Variants in DYNC1LI1 observed in about 807,000 individuals in gnomAD.
The protein encoded by DYNC1LI1 is dynein cytoplasmic 1 light intermediate chain 1, also known as cytoplasmic dynein 1 light intermediate chain 1.
In DYNC1LI1, 19 loss-of-function variants were observed where a neutral mutation model predicts 63.8. The ratio of observed to expected loss-of-function variants is 0.30; its 90% CI spans 0.21 to 0.44. DYNC1LI1 has a LOEUF of 0.44. DYNC1LI1 is among the 20% of genes least tolerant of loss of function. DYNC1LI1 has a pLI of 1.00. For synonymous variants in DYNC1LI1, 225 were observed against 232.3 expected (o/e 0.97, Z 0.28); for missense variants, 565 against 630.2 (o/e 0.90, Z 1.11).
chr3:32,537,594 T>G (rs774437312), intron 5 of DYNC1LI1, among the ~76,000 whole-genome samples: 1 of 151,886 alleles, frequency 6.6e-6, no homozygotes, highest in Non-Finnish European at 1.5e-5. Flanking sequence ...GTGCTTTTAT[T>G]CACTCTTATT....
In DYNC1LI1 at chr3:32,529,604, T is replaced by G; in HGVS notation, c.1242A>C (p.Ser414=). The change falls in exon 11 of 13, where the codon TCA becomes TCC. Residue 414 remains serine, a synonymous_variant. Transcript: ENST00000273130. ...TGGGTGACACGCTGGCAACATTAGA[T>G]GATACAGATCTATTTGGTGTTCGTG... ...GSPRTPNRSV[S]SNVASVSPIP... is the part of the protein sequence containing the mutation. 6.2e-7 allele frequency: 1 copy of G among 1,610,828 alleles called. No individual in the cohort carries two copies. The highest frequency in any genetic ancestry group is 8.5e-7 in the Non-Finnish European group (1 of 1,178,856).
At chr3:32,555,889 A>G (rs1001656118) in intron 2 of DYNC1LI1, among the ~76,000 whole-genome samples, 1 of 152,230 alleles carries the variant, frequency 6.6e-6, no homozygotes, top group African/African-American at 2.4e-5. Context: ...AGGTTGAGAT[A>G]TATGCGTATT....
intron 5 of DYNC1LI1, among the ~76,000 whole-genome samples, chr3:32,540,020 A>C (rs1697858282): frequency 1.3e-5 from 2 of 149,534 alleles, no homozygotes; most frequent in South Asian, 4.2e-4. Flanking sequence ...GCCCGCCACC[A>C]CGCCTGGCTA....
Position 32,570,708 on chromosome 3 carries a change from G to T in DYNC1LI1, c.63C>A (p.Tyr21Ter). The T allele has an allele frequency of 3.1e-6, 5 of 1,609,656 alleles. No individual in the cohort carries two copies. Among genetic ancestry groups the T allele is most frequent in the Non-Finnish European group, 4.2e-6 (5 of 1,178,052 alleles). ...GSSPPGLSST[Y>*]TGGPLGNEIA... is the part of the protein sequence containing the mutation. ...TCTCGTTGCCCAAGGGGCCGCCAGT[G>T]TAAGTCGAGGATAATCCCGGCGGAG... The change falls in exon 1 of 13, where the codon TAC becomes TAA. Residue 21 changes from tyrosine (Y) to a stop codon, truncating the protein, a stop_gained. Transcript: ENST00000273130. LOFTEE classifies it high-confidence loss of function.
At position 32,527,798 on chromosome 3, in the gene DYNC1LI1, C is replaced by T. The variant is rs1002562183; in HGVS notation, c.1462+648G>A. On this transcript the variant is annotated intron_variant, in intron 12 of 12. Transcript: ENST00000273130. ...AACAGATAAATGAAATGTGGTATAG[C>T]CATATAATGAAATATTATTCAGCAA... Among the ~76,000 whole-genome samples, 9 of 152,024 alleles carry T rather than the reference C, an allele frequency of 5.9e-5. No individual in the cohort carries two copies. In the East Asian group the frequency reaches 1.7e-3, roughly 29 times the overall value.
chr3:32,559,744 C>T (rs1698165283), intron 2 of DYNC1LI1, among the ~76,000 whole-genome samples: 1 of 152,316 alleles, frequency 6.6e-6, no homozygotes, highest in East Asian at 1.9e-4. Flanking sequence ...TTCTAATGTG[C>T]TATATCCCTT....
chr3:32,568,716 A>G (rs1296044790), intron 2 of DYNC1LI1, among the ~76,000 whole-genome samples: 1 of 152,184 alleles, frequency 6.6e-6, no homozygotes, highest in Admixed American at 6.6e-5. Flanking sequence ...CACAATATCT[A>G]ATGTGCAGAA....
intron 4 of DYNC1LI1, among the ~76,000 whole-genome samples, chr3:32,543,165 A>G (rs949451993): frequency 3.3e-5 from 5 of 151,950 alleles, no homozygotes; most frequent in Non-Finnish European, 5.9e-5. Context: ...AACAACTACT[A>G]CTCTAGGATA....
rs1559436230 is a variant in DYNC1LI1 at position 32,537,953 on chromosome 3, AT to A, written c.739-850del. ...TATATATATAATATATATATAATTT[AT>A]ATATATAATATATATATATTTATAT... On this transcript the variant is annotated intron_variant, in intron 5 of 12. Transcript: ENST00000273130. Among the ~76,000 whole-genome samples the A allele has an allele frequency of 6.1e-3, 27 of 4,418 alleles. 2 individuals are homozygous for A. Among genetic ancestry groups the A allele is most frequent in the Non-Finnish European group, 0.01 (24 of 2,334 alleles). The allele number at this position is 4,418 out of a possible 152,430, so 2.9% of individuals were successfully genotyped here.
chr3:32,526,957 T>A (rs1223335533), intron 12 of DYNC1LI1, 49 bp from the exon 13 acceptor site: 1 of 1,329,006 alleles, frequency 7.5e-7, no homozygotes, highest in Non-Finnish European at 1.1e-6. Flanking sequence ...TAAGTGAAAG[T>A]ATCGTTTTCA....
intron 1 of DYNC1LI1, 77 bp from the exon 2 acceptor site, chr3:32,570,496 G>A: frequency 1.4e-6 from 2 of 1,479,796 alleles, no homozygotes; most frequent in Non-Finnish European, 1.8e-6. Flanking sequence ...GCCTCGGCGC[G>A]CCGGGGATGG....
At chr3:32,568,513 A>T (rs1337079012) in intron 2 of DYNC1LI1, among the ~76,000 whole-genome samples, 9 of 152,202 alleles carry the variant, frequency 5.9e-5, no homozygotes, top group Admixed American at 6.5e-5. Context: ...TTAAGTTCAT[A>T]AAAAAGGAAA....
At position 32,533,016 on chromosome 3, in the gene DYNC1LI1, T is replaced by G; in HGVS notation, c.1050A>C (p.Glu350Asp). 6.2e-7 allele frequency: 1 copy of G among 1,601,186 alleles called. No individual in the cohort carries two copies. Among genetic ancestry groups the G allele is most frequent in the Non-Finnish European group, 8.5e-7 (1 of 1,177,036 alleles). Residue 350 changes from glutamate (E) to aspartate (D), a missense_variant, in exon 8 of 13, where the codon GAA becomes GAC. Glu to Asp is a conservative substitution (Grantham distance 45). Coordinates refer to ENST00000273130, the MANE Select transcript of DYNC1LI1 (RefSeq NM_016141.4). ...FQTLKAEDNF[E>D]DIITKPPVRK... ...GAACAGGTGGTTTAGTTATGATGTC[T>G]TCAAAATTATCTTCTGCTTTTAATG... is the stretch of plus-strand genomic sequence containing the variant.
At chr3:32,537,241 G>GA (rs1430982823) in intron 5 of DYNC1LI1, 137 bp from the exon 6 acceptor site, 14 of 468,928 alleles carry the variant, frequency 3.0e-5, no homozygotes, top group Middle Eastern at 5.7e-4. Flanking sequence ...GCAGGACACA[G>GA]AATATCAAGT....
chr3:32,546,088 A>C (rs1697948609), intron 2 of DYNC1LI1, 123 bp from the exon 3 acceptor site: 2 of 638,368 alleles, frequency 3.1e-6, no homozygotes, highest in Non-Finnish European at 5.4e-6. Flanking sequence ...ATTTGATGAA[A>C]TATAATGGAG....
intron 2 of DYNC1LI1, among the ~76,000 whole-genome samples, chr3:32,552,306 T>C (rs1698053801): frequency 6.6e-6 from 1 of 152,152 alleles, no homozygotes; most frequent in Non-Finnish European, 1.5e-5. Flanking sequence ...TAAAGACAGG[T>C]CTCACTCTGT....
rs200374368 is a variant in DYNC1LI1, at chr3:32,537,093, A to G, written c.750T>C (p.Ile250=). The G allele has an allele frequency of 7.6e-5, 119 of 1,557,888 alleles. No homozygotes were observed. Among genetic ancestry groups the G allele is most frequent in the Admixed American group, 1.9e-5 (1 of 51,554 alleles). The stretch of plus-strand genomic sequence containing the variant: ...AGTCATGTTCTTTCTCCAATACACT[A>G]ATGGCATCACACTGTTAAGTTAAAA... ...VLVVCTKCDA[I]SVLEKEHDYR... Residue 250 remains isoleucine (I), a synonymous_variant, in exon 6 of 13, where the codon ATT becomes ATC. Coordinates refer to ENST00000273130, the MANE Select transcript of DYNC1LI1 (RefSeq NM_016141.4).
At chr3:32,560,380 C>A (rs755655931) in intron 2 of DYNC1LI1, among the ~76,000 whole-genome samples, 1 of 152,160 alleles carries the variant, frequency 6.6e-6, no homozygotes, top group Non-Finnish European at 1.5e-5. Flanking sequence ...TTGCAGTGAG[C>A]CGAGATCGTG....
chr3:32,537,979 TATA>T (rs1697810961), intron 5 of DYNC1LI1, among the ~76,000 whole-genome samples: 1 of 47,452 alleles, frequency 2.1e-5, no homozygotes, highest in Non-Finnish European at 3.7e-5. Flanking sequence ...TATATTTATA[TATA>T]ATATATATAT....
Sources: gnomAD v4.1 joint callset for allele counts (sites outside exome capture counted in the v4.1 genomes callset) on GRCh38, gnomAD v4.1.1 for gene constraint, MANE v1.5 for transcripts, NCBI Gene and HGNC (gene_info 2026-07-23, HGNC 2026-07-21) for gene names.